JAZF1: variants seen among roughly 807,000 people sequenced by gnomAD.
JAZF1 encodes the protein juxtaposed with another zinc finger protein 1.
Under a neutral mutation model 26.4 loss-of-function variants are expected in JAZF1, and 8 were observed. That is an observed-to-expected ratio of 0.30 (90% CI 0.18 to 0.55). The LOEUF is 0.55. JAZF1 is among the 20% of genes least tolerant of loss of function. JAZF1 has a pLI of 0.94. For synonymous variants in JAZF1, 126 were observed against 122.3 expected (o/e 1.03, Z -0.20); for missense variants, 199 against 322.0 (o/e 0.62, Z 2.92).
intron 1 of JAZF1, among the ~76,000 whole-genome samples, chr7:28,013,146 T>C (rs1431290782): frequency 6.6e-6 from 1 of 152,128 alleles, no homozygotes; most frequent in East Asian, 1.9e-4. Context: ...AAACACCCAC[T>C]GAGACACCTG....
intron 3 of JAZF1, among the ~76,000 whole-genome samples, chr7:27,852,130 C>CTTTTTTTTTT (rs113021262): frequency 8.0e-6 from 1 of 125,256 alleles, no homozygotes; most frequent in African/African-American, 2.7e-5. Context: ...ATAAACAGGA[C>CTTTTTTTTTT]TTTTTTTTTT....
chr7:28,025,783 C>T (rs1299188370), intron 1 of JAZF1, among the ~76,000 whole-genome samples: 1 of 152,110 alleles, frequency 6.6e-6, no homozygotes, highest in African/African-American at 2.4e-5. Context: ...AAATTTTTGG[C>T]CAGGTTTCTG....
intron 1 of JAZF1, among the ~76,000 whole-genome samples, chr7:28,153,734 C>A (rs181547392): frequency 1.3e-5 from 2 of 152,128 alleles, no homozygotes; most frequent in East Asian, 3.8e-4. Flanking sequence ...TTCTTGATAG[C>A]CTTTCTACAG....
intron 1 of JAZF1, among the ~76,000 whole-genome samples, chr7:28,110,448 A>AAAAGGAAAGGAAAGG (rs147739964): frequency 2.0e-4 from 13 of 64,064 alleles, no homozygotes; most frequent in Non-Finnish European, 2.4e-4. Flanking sequence ...GAGAGAGAGA[A>AAAAGGAAAGGAAAGG]AAAGGAAAGG....
chr7:27,924,854 T>C (rs1363020539), intron 2 of JAZF1, among the ~76,000 whole-genome samples: 3 of 152,242 alleles, frequency 2.0e-5, no homozygotes, highest in African/African-American at 7.2e-5. Flanking sequence ...GTGAGTTAGT[T>C]TCTCTGTAAG....
At chr7:27,923,679 G>A (rs1310618157) in intron 2 of JAZF1, among the ~76,000 whole-genome samples, 1 of 152,134 alleles carries the variant, frequency 6.6e-6, no homozygotes, top group Non-Finnish European at 1.5e-5. Context: ...TCCCACCAAC[G>A]CCTGCTTGCA....
At chr7:27,898,302 T>C (rs113595254) in intron 2 of JAZF1, among the ~76,000 whole-genome samples, 4 of 97,378 alleles carry the variant, frequency 4.1e-5, no homozygotes, top group African/African-American at 1.2e-4. Flanking sequence ...TATATATATA[T>C]ATACATCGGT....
intron 1 of JAZF1, chr7:28,020,735 T>C (rs1349742609): frequency 2.1e-6 from 1 of 470,760 alleles, no homozygotes; most frequent in Non-Finnish European, 4.4e-6. Context: ...ACTGCATCCA[T>C]GCTAGTGGCT....
chr7:28,091,851 G>A (rs1053255083), intron 1 of JAZF1, among the ~76,000 whole-genome samples: 3 of 152,090 alleles, frequency 2.0e-5, no homozygotes, highest in Non-Finnish European at 2.9e-5. Flanking sequence ...TGAATCCTGT[G>A]TAATGGAACT....
At chr7:28,146,605 T>C (rs748195950) in intron 1 of JAZF1, among the ~76,000 whole-genome samples, 3 of 152,230 alleles carry the variant, frequency 2.0e-5, no homozygotes, top group African/African-American at 7.2e-5. Flanking sequence ...TCTGACTGCA[T>C]GATAAGCCCT....
At chr7:27,940,410 A>G (rs1784828690) in intron 2 of JAZF1, among the ~76,000 whole-genome samples, 1 of 152,126 alleles carries the variant, frequency 6.6e-6, no homozygotes, top group Non-Finnish European at 1.5e-5. Flanking sequence ...CTTCTGCCTC[A>G]GTGTAATGCA....
chr7:27,915,437 G>T (rs996306575), intron 2 of JAZF1, among the ~76,000 whole-genome samples: 1 of 152,132 alleles, frequency 6.6e-6, no homozygotes, highest in South Asian at 2.1e-4. Context: ...TCTTTCATGG[G>T]TTATTGCCTA....
chr7:27,877,657 ATC>A (rs1370253808), intron 3 of JAZF1, among the ~76,000 whole-genome samples: 1 of 152,182 alleles, frequency 6.6e-6, no homozygotes, highest in Non-Finnish European at 1.5e-5. Context: ...CGAGTCTCAT[ATC>A]CAAATGCAAA....
intron 1 of JAZF1, among the ~76,000 whole-genome samples, chr7:28,169,016 T>C (rs1783413552): frequency 6.6e-6 from 1 of 152,234 alleles, no homozygotes; most frequent in Non-Finnish European, 1.5e-5. Flanking sequence ...GTGTAAACAC[T>C]GACATACACA....
At chr7:28,158,733 C>T (rs1446962683) in intron 1 of JAZF1, among the ~76,000 whole-genome samples, 1 of 152,190 alleles carries the variant, frequency 6.6e-6, no homozygotes, top group Non-Finnish European at 1.5e-5. Context: ...AGTCCTCTCA[C>T]CATCAGTTTA....
intron 2 of JAZF1, among the ~76,000 whole-genome samples, chr7:27,930,136 C>T (rs955890802): frequency 6.6e-5 from 10 of 152,104 alleles, no homozygotes; most frequent in African/African-American, 2.4e-4. Context: ...GCTGGGATTA[C>T]AGGCACCTGC....
chr7:27,944,796 G>A (rs961007725), intron 2 of JAZF1, among the ~76,000 whole-genome samples: 8 of 152,114 alleles, frequency 5.3e-5, no homozygotes, highest in Non-Finnish European at 1.0e-4. Flanking sequence ...CCAGGAGTAT[G>A]ACTGAAGCCA....
At chr7:28,178,122 T>C (rs946239445) in intron 1 of JAZF1, among the ~76,000 whole-genome samples, 3 of 152,202 alleles carry the variant, frequency 2.0e-5, no homozygotes, top group Non-Finnish European at 2.9e-5. Flanking sequence ...TTTTTCCACA[T>C]TTTCACTATT....
chr7:28,053,671 C>T (rs768918928), intron 1 of JAZF1, among the ~76,000 whole-genome samples: 3 of 152,100 alleles, frequency 2.0e-5, no homozygotes, highest in Non-Finnish European at 2.9e-5. Context: ...GTTGTGATCC[C>T]AATGACAGAT....
Sources: gnomAD v4.1 joint callset for allele counts (sites outside exome capture counted in the v4.1 genomes callset) on GRCh38, gnomAD v4.1.1 for gene constraint, MANE v1.5 for transcripts, NCBI Gene and HGNC (gene_info 2026-07-23, HGNC 2026-07-21) for gene names.